Variants in PAWR observed in about 807,000 individuals in gnomAD.
PAWR encodes PRKC apoptosis WT1 regulator protein.
In PAWR, 23 loss-of-function variants were observed where a neutral mutation model predicts 32.0. The observed-to-expected ratio is 0.72, with a 90% CI of 0.52 to 1.02. PAWR has a LOEUF of 1.02. Among genes scored for constraint, PAWR ranks in the 50% least tolerant of loss-of-function variants. The pLI, the probability that PAWR is intolerant of heterozygous loss-of-function variation, is 0.00. For synonymous variants in PAWR, 226 were observed against 187.1 expected (o/e 1.21, Z -1.70); for missense variants, 457 against 437.7 (o/e 1.04, Z -0.39).
In PAWR at chr12:79,591,898, A is replaced by T. The variant is rs991157317; in HGVS notation, c.*709T>A. The T allele has an allele frequency of 1.3e-5, 2 of 152,556 alleles. No homozygotes were observed. Among genetic ancestry groups the T allele is most frequent in the African/African-American group, 4.8e-5 (2 of 41,448 alleles). The allele number at this position is 152,556 out of a possible 1,614,324, so 9.5% of individuals were successfully genotyped here. A position where few individuals can be genotyped will look rare whatever the true frequency, so the allele number is the denominator to read the frequency against. On this transcript the variant is annotated 3_prime_UTR_variant, in exon 7 of 7. Coordinates refer to ENST00000328827, the MANE Select transcript of PAWR (RefSeq NM_002583.4). ...CGATAAAAAAAGGTAGTACCTACATAAGAAATTTTACATTGAAATTACAAT... is the reference window on the plus strand; with the variant it reads ...CGATAAAAAAAGGTAGTACCTACATTAGAAATTTTACATTGAAATTACAAT...
At chr12:79,636,332 T>C (rs1319690428) in intron 2 of PAWR, among the ~76,000 whole-genome samples, 1 of 129,506 alleles carries the variant, frequency 7.7e-6, no homozygotes, top group African/African-American at 5.0e-5. Context: ...AAAAACTGTA[T>C]TAACACGTTT....
Position 79,594,741 on chromosome 12 carries a change from CA to C in PAWR, c.832-309del, listed in dbSNP as rs369350475. ...TGTGTGTGTGTGTATGTATGTATGG[CA>C]GTGTTTCACTCTTGTCACCCAGGCT... On this transcript the variant is annotated intron_variant, in intron 5 of 6. Transcript: ENST00000328827. Among the ~76,000 whole-genome samples the C allele has an allele frequency of 4.0e-3, 610 of 151,858 alleles. 12 individuals carry two copies. Among genetic ancestry groups the C allele is most frequent in the African/African-American group, 0.014 (579 of 41,382 alleles).
chr12:79,599,788 C>G (rs757075813), intron 4 of PAWR, among the ~76,000 whole-genome samples: 1 of 152,114 alleles, frequency 6.6e-6, no homozygotes, highest in African/African-American at 2.4e-5. Context: ...ACTACAGATT[C>G]ATCCAACATT....
intron 2 of PAWR, among the ~76,000 whole-genome samples, chr12:79,624,815 T>C (rs1034361835): frequency 1.3e-5 from 2 of 152,220 alleles, no homozygotes; most frequent in Admixed American, 1.3e-4. Context: ...GTACCTACCA[T>C]ATTTTAATCA....
intron 2 of PAWR, among the ~76,000 whole-genome samples, chr12:79,654,291 G>C (rs149914980): frequency 1.3e-5 from 2 of 152,126 alleles, no homozygotes; most frequent in African/African-American, 4.8e-5. Flanking sequence ...CAATCTAATG[G>C]TTATAGTGAC....
At chr12:79,613,958 TATATATATATATATATA>T (rs1874581246) in intron 3 of PAWR, among the ~76,000 whole-genome samples, 1 of 7,516 alleles carries the variant, frequency 1.3e-4, no homozygotes, top group African/African-American at 6.6e-4. Flanking sequence ...TATATATATA[TATATATATATATATATA>T]TATATTTTTT....
In PAWR at chr12:79,690,100, C is replaced by T. The variant is rs1438772845; in HGVS notation, c.145G>A (p.Ala49Thr). Residue 49 changes from alanine to threonine, a missense_variant, in exon 2 of 7, where the codon GCC becomes ACC. Coordinates refer to ENST00000328827, the MANE Select transcript of PAWR (RefSeq NM_002583.4). Reference protein sequence around the residue: ...PAPPGGGSSDAAGKPPAGALG... With the variant: ...PAPPGGGSSDTAGKPPAGALG... ...GCCCCCGCGGGGGGCTTCCCAGCGG[C>T]GTCGCTGCTGCCCCCTCCCGGGGGG... 1.2e-5 allele frequency: 18 copies of T among 1,466,924 alleles called. No individual in the cohort carries two copies. Among genetic ancestry groups the T allele is most frequent in the Middle Eastern group, 2.1e-4 (1 of 4,812 alleles). The allele number at this position is 1,466,924 out of a possible 1,614,324, so 90.9% of individuals were successfully genotyped here. A position where few individuals can be genotyped will look rare whatever the true frequency, so the allele number is the denominator to read the frequency against.
rs144766354 is a variant in PAWR, at chr12:79,590,880, G to A, written c.*1727C>T. On this transcript the variant is annotated 3_prime_UTR_variant, in exon 7 of 7. Transcript: ENST00000328827. ...TGGTAATCTAACATTAAACTTTTTCGTGAGCAGTGAATATACACATGGTCA... is the reference window on the plus strand; with the variant it reads ...TGGTAATCTAACATTAAACTTTTTCATGAGCAGTGAATATACACATGGTCA... The A allele has an allele frequency of 2.6e-5, 4 of 152,122 alleles. No homozygotes were observed. The highest frequency in any genetic ancestry group is 1.3e-4 in the Admixed American group (2 of 15,268). The allele number at this position is 152,122 out of a possible 1,614,324, so 9.4% of individuals were successfully genotyped here.
At chr12:79,674,070 A>G (rs1256141267) in intron 2 of PAWR, among the ~76,000 whole-genome samples, 1 of 152,188 alleles carries the variant, frequency 6.6e-6, no homozygotes, top group Non-Finnish European at 1.5e-5. Flanking sequence ...ATTCATCTGG[A>G]AACAAAAAAA....
At chr12:79,685,769 T>C (rs1427110521) in intron 2 of PAWR, among the ~76,000 whole-genome samples, 4 of 152,216 alleles carry the variant, frequency 2.6e-5, no homozygotes, top group African/African-American at 9.6e-5. Context: ...CTCATTCAGA[T>C]GTTTAAATTA....
intron 2 of PAWR, among the ~76,000 whole-genome samples, chr12:79,625,743 G>A (rs962143517): frequency 6.0e-5 from 9 of 150,564 alleles, no homozygotes; most frequent in Non-Finnish European, 1.2e-4. Context: ...TGTCGCGAAC[G>A]CGGGAGGCAG....
Position 79,613,662 on chromosome 12 carries a change from CT to C in PAWR, c.649-54del. ...GTTTGAGTATGTATGTACACAATTACTTATTATATAAAATAGTTGATAGAGA... is the reference window on the plus strand; with the variant it reads ...GTTTGAGTATGTATGTACACAATTACTATTATATAAAATAGTTGATAGAGA... On this transcript the variant is annotated intron_variant, in intron 3 of 6. Transcript: ENST00000328827. 1.1e-5 allele frequency: 10 copies of C among 910,110 alleles called. No individual in the cohort carries two copies. The Admixed American group carries it at 2.1e-4, about 19-fold the overall frequency. The allele number at this position is 910,110 out of a possible 1,614,324, so 56.4% of individuals were successfully genotyped here. A position where few individuals can be genotyped will look rare whatever the true frequency, so the allele number is the denominator to read the frequency against.
chr12:79,593,429 A>C (rs1431085417), intron 6 of PAWR, among the ~76,000 whole-genome samples: 2 of 152,108 alleles, frequency 1.3e-5, no homozygotes, highest in Non-Finnish European at 2.9e-5. Flanking sequence ...CAAACACACA[A>C]CCATCTGGTT....
Position 79,591,317 on chromosome 12 carries a change from C to T in PAWR, c.*1290G>A, listed in dbSNP as rs1873548191. On this transcript the variant is annotated 3_prime_UTR_variant, in exon 7 of 7. Transcript: ENST00000328827. ...AACAGTGAACAATAAAAGGGCTTGG[C>T]AAGTGAAGGAAAAAGTCAGTAGAGT... 6.6e-6 allele frequency: 1 copy of T among 152,036 alleles called. No homozygotes were observed. The highest frequency in any genetic ancestry group is 1.5e-5 in the Non-Finnish European group (1 of 68,000). 9.4% of individuals were successfully genotyped at this position (152,036 alleles called of 1,614,324 possible).
intron 2 of PAWR, among the ~76,000 whole-genome samples, chr12:79,658,653 T>C (rs571040899): frequency 6.6e-6 from 1 of 152,128 alleles, no homozygotes; most frequent in South Asian, 2.1e-4. Flanking sequence ...AATAATACAA[T>C]AAAATAGCTG....
At chr12:79,596,749 T>G in intron 4 of PAWR, 91 bp from the exon 5 acceptor site, 1 of 758,096 alleles carries the variant, frequency 1.3e-6, no homozygotes, top group Non-Finnish European at 2.1e-6. Flanking sequence ...AAAATTAACA[T>G]TCCCCAAGGA....
chr12:79,683,085 A>G (rs1027804648), intron 2 of PAWR, among the ~76,000 whole-genome samples: 2 of 152,220 alleles, frequency 1.3e-5, no homozygotes, highest in Admixed American at 1.3e-4. Flanking sequence ...TAAATTCTGG[A>G]AAAGAGGCAA....
At chr12:79,666,339 T>G (rs932815198) in intron 2 of PAWR, among the ~76,000 whole-genome samples, 1 of 152,122 alleles carries the variant, frequency 6.6e-6, no homozygotes, top group Non-Finnish European at 1.5e-5. Context: ...TGAAAGGAAA[T>G]TTCTCTATAT....
chr12:79,600,446 C>T (rs1026918050), intron 4 of PAWR, among the ~76,000 whole-genome samples: 2 of 145,892 alleles, frequency 1.4e-5, no homozygotes, highest in African/African-American at 2.6e-5. Flanking sequence ...TTAAAATTAA[C>T]GAGATTTTAA....
Sources: gnomAD v4.1 joint callset for allele counts (sites outside exome capture counted in the v4.1 genomes callset) on GRCh38, gnomAD v4.1.1 for gene constraint, MANE v1.5 for transcripts, NCBI Gene and HGNC (gene_info 2026-07-23, HGNC 2026-07-21) for gene names.